Variants in PFKFB3 observed in about 807,000 individuals in gnomAD.
The protein encoded by PFKFB3 is 6-phosphofructo-2-kinase/fructose-2,6-bisphosphatase 3.
Under a neutral mutation model 68.0 loss-of-function variants are expected in PFKFB3, and 33 were observed. That is an observed-to-expected ratio of 0.49 (90% confidence interval 0.37 to 0.65). The LOEUF is 0.65. Ranked by LOEUF, PFKFB3 falls within the 30% of genes least tolerant of loss-of-function variation. The pLI is 0.00. For missense variants in PFKFB3, 586 were observed against 712.2 expected (o/e 0.82, Z 2.02); for synonymous variants, 315 against 288.2 (o/e 1.09, Z -0.94).
chr10:6,146,920 C>A (rs1841406369), intron 1 of PFKFB3, among the ~76,000 whole-genome samples: 1 of 152,248 alleles, frequency 6.6e-6, no homozygotes, highest in Non-Finnish European at 1.5e-5. Flanking sequence ...GCAGATGCTA[C>A]TTCCTGGAGG....
rs1184833742 is a variant in PFKFB3 at position 6,206,584 on chromosome 10, A to ACCC, written c.76+3253_76+3255dup. Among the ~76,000 whole-genome samples the ACCC allele has an allele frequency of 2.8e-5, 3 of 107,238 alleles. No homozygotes were observed. In the South Asian group the frequency reaches 8.9e-4, roughly 32 times the overall value. 70.4% of individuals were successfully genotyped at this position (107,238 alleles called of 152,430 possible). On this transcript the variant is annotated intron_variant, in intron 1 of 14. Coordinates refer to ENST00000379775, the MANE Select transcript of PFKFB3 (RefSeq NM_004566.4). ...GGGGCGGCTGGCCGGGCAGGGGCTG[A>ACCC]CCCCCCCACCTCCCTCCCGGACGGG...
Position 6,226,347 on chromosome 10 carries a change from C to T in PFKFB3, c.1497C>T (p.Pro499=), listed in dbSNP as rs376238290. 11 of 1,612,942 alleles carry T rather than the reference C, an allele frequency of 6.8e-6. No individual in the cohort carries two copies. Among genetic ancestry groups the T allele is most frequent in the South Asian group, 4.4e-5 (4 of 90,972 alleles). ...ALPSCLPPEV[P]TQLPGQNMKG... ...CCAGCTGCCTGCCCCCGGAGGTGCCCACGCAGCTGCCTGGACAAGTCAGTG... is the reference window on the plus strand; with the variant it reads ...CCAGCTGCCTGCCCCCGGAGGTGCCTACGCAGCTGCCTGGACAAGTCAGTG... Residue 499 remains proline, a synonymous_variant, in exon 14 of 15, where the codon CCC becomes CCT. Transcript: ENST00000379775.
intron 1 of PFKFB3, among the ~76,000 whole-genome samples, chr10:6,172,994 G>T (rs1842358690): frequency 6.6e-6 from 1 of 152,064 alleles, no homozygotes; most frequent in South Asian, 2.1e-4. Flanking sequence ...CACTGCAGTG[G>T]CCCAGCTCTT....
At chr10:6,241,534 G>C (rs1384167691) in intron 14 of PFKFB3, among the ~76,000 whole-genome samples, 1 of 152,138 alleles carries the variant, frequency 6.6e-6, no homozygotes, top group Non-Finnish European at 1.5e-5. Context: ...GTGGCCATGT[G>C]TTAAAACCAT....
chr10:6,196,931 C>T (rs1025437746), intron 1 of PFKFB3, among the ~76,000 whole-genome samples: 1 of 151,814 alleles, frequency 6.6e-6, no homozygotes, highest in African/African-American at 2.4e-5. Context: ...GCCTGAGCCA[C>T]TGTACCTGGC....
At position 6,221,715 on chromosome 10, in the gene PFKFB3, C is replaced by G. The variant is rs562103199; in HGVS notation, c.1053C>G (p.Asp351Glu). The G allele has an allele frequency of 6.2e-7, 1 of 1,607,012 alleles. No homozygotes were observed. The highest frequency in any genetic ancestry group is 8.5e-7 in the Non-Finnish European group (1 of 1,177,642). ...AGGAGTATGCGCTGCGGGAGCAGGA[C>G]AAGTACTATTACCGCTACCCCACCG... ...YPEEYALREQ[D>E]KYYYRYPTGE... is the part of the protein sequence containing the mutation. Residue 351 changes from aspartate (D) to glutamate (E), a missense_variant, in exon 10 of 15, where the codon GAC (aspartate) becomes GAG (glutamate). Physicochemically the swap from Asp to Glu is conservative, Grantham distance 45. Coordinates refer to ENST00000379775, the MANE Select transcript of PFKFB3 (RefSeq NM_004566.4).
In PFKFB3 at chr10:6,229,577, T is replaced by G. The variant is rs1017186661; in HGVS notation, c.1515+3212T>G. Reference sequence around the variant, plus strand: ...TTGCTTACCTAAGGTGGGCCTGCCCTTAACTTCCAGCTTCTTGGGGCGCAC... The same window carrying G: ...TTGCTTACCTAAGGTGGGCCTGCCCGTAACTTCCAGCTTCTTGGGGCGCAC... On this transcript the variant is annotated intron_variant, in intron 14 of 14. Transcript: ENST00000379775. The surrounding 1 kb of genome is among the most constrained non-coding windows in gnomAD (Gnocchi z 4.3). Among the ~76,000 whole-genome samples the G allele has an allele frequency of 1.3e-5, 2 of 152,026 alleles. No individual in the cohort carries two copies. Among genetic ancestry groups the G allele is most frequent in the Non-Finnish European group, 2.9e-5 (2 of 68,022 alleles).
rs950693748 is a variant in PFKFB3, at chr10:6,229,651, T to C, written c.1516-3244T>C. On this transcript the variant is annotated intron_variant, in intron 14 of 14. Coordinates refer to ENST00000379775, the MANE Select transcript of PFKFB3 (RefSeq NM_004566.4). The surrounding 1 kb of genome is among the most constrained non-coding windows in gnomAD (Gnocchi z 4.3). ...TGTGATGCGCGGGGCCAGCGTGCAG[T>C]GCTTCAGGATCTGGGCTTCTCCTTG... Among the ~76,000 whole-genome samples the C allele has an allele frequency of 6.6e-6, 1 of 152,212 alleles. No individual in the cohort carries two copies. Among genetic ancestry groups the C allele is most frequent in the Non-Finnish European group, 1.5e-5 (1 of 68,038 alleles).
At chr10:6,146,834 G>A (rs531952874) in intron 1 of PFKFB3, among the ~76,000 whole-genome samples, 1 of 152,318 alleles carries the variant, frequency 6.6e-6, no homozygotes, top group South Asian at 2.1e-4. Context: ...GGTAAGCTTT[G>A]GTTTTTTGGT....
intron 1 of PFKFB3, chr10:6,146,276 G>A (rs1034667786): frequency 6.7e-7 from 1 of 1,483,766 alleles, no homozygotes; most frequent in African/African-American, 1.4e-5. Flanking sequence ...CCTGGAGGCT[G>A]TACCGGACTT....
chr10:6,219,492 A>G, intron 6 of PFKFB3, 77 bp from the exon 7 acceptor site: 3 of 1,559,388 alleles, frequency 1.9e-6, no homozygotes, highest in Non-Finnish European at 2.7e-6. Flanking sequence ...TCCCCTTTTG[A>G]AAGCCCCAAA....
At chr10:6,201,885 G>A (rs577383406), upstream of PFKFB3, among the ~76,000 whole-genome samples, 22 of 152,300 alleles carry the variant, frequency 1.4e-4, no homozygotes, top group Non-Finnish European at 3.1e-4. This position sits in a 1 kb window ranked among gnomAD's most constrained non-coding sequence, Gnocchi z 4.1. Context: ...CTGACTGCAC[G>A]ACTGTCACAA....
chr10:6,205,675 G>A (rs1357932637), intron 1 of PFKFB3, among the ~76,000 whole-genome samples: 2 of 152,146 alleles, frequency 1.3e-5, no homozygotes, highest in Non-Finnish European at 2.9e-5. Flanking sequence ...TTATAGGCAT[G>A]AGCCACCACG....
rs939770326 is a variant in PFKFB3, at chr10:6,208,428, A to G, written c.76+5092A>G. On this transcript the variant is annotated intron_variant, in intron 1 of 14. Coordinates refer to ENST00000379775, the MANE Select transcript of PFKFB3 (RefSeq NM_004566.4). Reference sequence around the variant, plus strand: ...AAACAGTGGAATGAGACAAACTGCCAGCTTGTCTTTGCTCAGGATTTAGAC... The same window carrying G: ...AAACAGTGGAATGAGACAAACTGCCGGCTTGTCTTTGCTCAGGATTTAGAC... Among the ~76,000 whole-genome samples, 3 of 135,658 alleles carry G rather than the reference A, an allele frequency of 2.2e-5. No homozygotes were observed. In the Admixed American group the frequency reaches 2.5e-4, roughly 11 times the overall value. 89.0% of individuals were successfully genotyped at this position (135,658 alleles called of 152,430 possible). A position where few individuals can be genotyped will look rare whatever the true frequency, so the allele number is the denominator to read the frequency against.
chr10:6,236,730 A>T (rs1846020991), downstream of PFKFB3, among the ~76,000 whole-genome samples: 1 of 152,144 alleles, frequency 6.6e-6, no homozygotes, highest in African/African-American at 2.4e-5. Flanking sequence ...CAGGCTGACT[A>T]CCCAGAAAAT....
chr10:6,206,840 GGGT>G (rs1342276665), intron 1 of PFKFB3, among the ~76,000 whole-genome samples: 14 of 46,332 alleles, frequency 3.0e-4, no homozygotes, highest in African/African-American at 6.1e-4. Flanking sequence ...TTCCCAGACG[GGGT>G]GGCGGCCGGG....
rs776120009 is a variant in PFKFB3 at position 6,226,343 on chromosome 10, T to G, written c.1493T>G (p.Val498Gly). The G allele has an allele frequency of 6.2e-7, 1 of 1,613,166 alleles. No homozygotes were observed. The highest frequency in any genetic ancestry group is 8.5e-7 in the Non-Finnish European group (1 of 1,179,680). Reference sequence around the variant, plus strand: ...CTGCCCAGCTGCCTGCCCCCGGAGGTGCCCACGCAGCTGCCTGGACAAGTC... The same window carrying G: ...CTGCCCAGCTGCCTGCCCCCGGAGGGGCCCACGCAGCTGCCTGGACAAGTC... ...AALPSCLPPE[V>G]PTQLPGQNMK... The change falls in exon 14 of 15, where the codon GTG (valine) becomes GGG (glycine). Residue 498 changes from valine (V) to glycine (G), a missense_variant. Val to Gly is a moderately radical substitution (Grantham distance 109). Coordinates refer to ENST00000379775, the MANE Select transcript of PFKFB3 (RefSeq NM_004566.4).
At chr10:6,231,138 T>C in intron 14 of PFKFB3, 1 of 739,846 alleles carries the variant, frequency 1.4e-6, no homozygotes, top group Non-Finnish European at 2.3e-6. Flanking sequence ...AGAGATCACC[T>C]GGCATTTGTG....
At chr10:6,148,733 A>G (rs753830577) in intron 1 of PFKFB3, among the ~76,000 whole-genome samples, 32 of 152,206 alleles carry the variant, frequency 2.1e-4, no homozygotes, top group Admixed American at 5.2e-4. Flanking sequence ...GGGAACCACA[A>G]TGGAGGGACG....
Sources: allele counts gnomAD v4.1 joint callset (sites outside exome capture counted in the v4.1 genomes callset), GRCh38; gene constraint gnomAD v4.1.1; non-coding constraint Gnocchi (gnomAD v3.1); transcripts MANE v1.5; gene names NCBI Gene and HGNC (gene_info 2026-07-23, HGNC 2026-07-21).